SLC2A13: variants seen among roughly 807,000 people sequenced by gnomAD.
SLC2A13 encodes solute carrier family 2 member 13.
A neutral mutation model predicts 64.4 loss-of-function variants in SLC2A13; 32 were observed. That is an observed-to-expected ratio of 0.50 (90% CI 0.37 to 0.67). The LOEUF (loss-of-function observed/expected upper bound fraction) is 0.67, where lower values mean the gene tolerates loss of function less well. Ranked by LOEUF, SLC2A13 falls within the 30% of genes least tolerant of loss-of-function variation. The probability of loss-of-function intolerance (pLI) is 0.00; values close to 1 mark genes in which losing one functional copy is unlikely to be tolerated. For missense variants in SLC2A13, 743 were observed against 829.2 expected, an observed-to-expected ratio of 0.90 and a Z score of 1.28; for synonymous variants, 338 against 327.1, an observed-to-expected ratio of 1.03 and a Z score of -0.36.
At position 39,759,851 on chromosome 12, in the gene SLC2A13, GAAAA is replaced by G; in HGVS notation, c.*171_*174del. On this transcript the variant is annotated 3_prime_UTR_variant, in exon 10 of 10. Transcript: ENST00000280871. ...ATTTTTTAAAATATTGTTCCTTGTG[GAAAA>G]AAAAAGTCATCATGGTTGTATCTTC... The G allele has an allele frequency of 1.8e-6, 1 of 553,418 alleles. No homozygotes were observed. The highest frequency in any genetic ancestry group is 3.2e-6 in the Non-Finnish European group (1 of 314,544). 34.3% of individuals were successfully genotyped at this position (553,418 alleles called of 1,614,324 possible).
At chr12:39,841,843 G>C (rs4388962) in intron 6 of SLC2A13, among the ~76,000 whole-genome samples, 2 of 151,766 alleles carry the variant, frequency 1.3e-5, no homozygotes, top group Non-Finnish European at 2.9e-5. Context: ...GAAATTCTTA[G>C]GTTTGCAAAC....
chr12:40,006,767 T>C (rs1468905345), intron 3 of SLC2A13, among the ~76,000 whole-genome samples: 1 of 152,176 alleles, frequency 6.6e-6, no homozygotes, highest in Non-Finnish European at 1.5e-5. Context: ...CTCAAGTCTC[T>C]CTGGAGAAAA....
chr12:39,762,639 T>C (rs1022907396), intron 9 of SLC2A13, among the ~76,000 whole-genome samples: 4 of 152,108 alleles, frequency 2.6e-5, no homozygotes, highest in South Asian at 2.1e-4. Context: ...AAAGAAGACA[T>C]AACTATTTCC....
At chr12:39,763,601 T>C (rs1940243502) in intron 9 of SLC2A13, among the ~76,000 whole-genome samples, 1 of 151,998 alleles carries the variant, frequency 6.6e-6, no homozygotes, top group South Asian at 2.1e-4. Context: ...AAATGATAAG[T>C]GGCCAGAGCA....
At chr12:39,762,710 A>C (rs1490860137) in intron 9 of SLC2A13, among the ~76,000 whole-genome samples, 1 of 152,106 alleles carries the variant, frequency 6.6e-6, no homozygotes, top group Non-Finnish European at 1.5e-5. Context: ...CATAGCTTAC[A>C]TAAACCAGTA....
At chr12:39,817,264 C>T (rs1392357068) in intron 7 of SLC2A13, among the ~76,000 whole-genome samples, 1 of 152,178 alleles carries the variant, frequency 6.6e-6, no homozygotes, top group Non-Finnish European at 1.5e-5. Context: ...CCGGGTTGCT[C>T]ATTTTAGGGT....
intron 4 of SLC2A13, among the ~76,000 whole-genome samples, chr12:39,893,328 C>A (rs914590447): frequency 2.0e-5 from 3 of 152,176 alleles, no homozygotes; most frequent in African/African-American, 7.2e-5. Flanking sequence ...GAGATGGAGT[C>A]TCACTCTGTC....
At chr12:39,928,115 T>C (rs1945759370) in intron 4 of SLC2A13, among the ~76,000 whole-genome samples, 1 of 152,208 alleles carries the variant, frequency 6.6e-6, no homozygotes, top group Non-Finnish European at 1.5e-5. Context: ...AGCAACATTA[T>C]TTTGAAAAGG....
At chr12:40,040,133 T>C (rs1292281140) in intron 2 of SLC2A13, among the ~76,000 whole-genome samples, 4 of 152,216 alleles carry the variant, frequency 2.6e-5, no homozygotes, top group African/African-American at 9.6e-5. Flanking sequence ...TATAGAGACT[T>C]AACCTAAAAC....
intron 1 of SLC2A13, among the ~76,000 whole-genome samples, chr12:40,084,648 A>AT (rs960541887): frequency 1.4e-4 from 21 of 151,686 alleles, no homozygotes; most frequent in African/African-American, 2.7e-4. Flanking sequence ...TTACAGCTTC[A>AT]TTTTTTTTTA....
At chr12:39,857,370 G>T (rs1298565264) in intron 6 of SLC2A13, among the ~76,000 whole-genome samples, 1 of 152,126 alleles carries the variant, frequency 6.6e-6, no homozygotes, top group Non-Finnish European at 1.5e-5. Context: ...CCACAGTGAG[G>T]TTTCGGATCC....
At chr12:39,830,294 C>A in intron 6 of SLC2A13, 66 bp from the exon 7 acceptor site, 1 of 1,558,964 alleles carries the variant, frequency 6.4e-7, no homozygotes. Context: ...ATACTGGATT[C>A]CATGTGCTTC....
chr12:39,921,323 C>A (rs1045361898), intron 4 of SLC2A13, among the ~76,000 whole-genome samples: 2 of 152,022 alleles, frequency 1.3e-5, no homozygotes, highest in African/African-American at 4.8e-5. Flanking sequence ...CTTTCTAAAG[C>A]AGTCAGTTCC....
At chr12:39,836,232 C>G (rs1443988665) in intron 6 of SLC2A13, among the ~76,000 whole-genome samples, 1 of 152,040 alleles carries the variant, frequency 6.6e-6, no homozygotes, top group Non-Finnish European at 1.5e-5. Flanking sequence ...TAGACAATAG[C>G]CAATGATGCT....
intron 1 of SLC2A13, among the ~76,000 whole-genome samples, chr12:40,049,179 T>C: frequency 6.6e-6 from 1 of 151,986 alleles, no homozygotes; most frequent in East Asian, 1.9e-4. Context: ...AGATACTGAT[T>C]TGCTGTATCT....
chr12:40,015,973 A>C (rs1025544437), intron 3 of SLC2A13, among the ~76,000 whole-genome samples: 2 of 152,214 alleles, frequency 1.3e-5, no homozygotes, highest in Non-Finnish European at 2.9e-5. Flanking sequence ...ATATTCAAAA[A>C]AAGAATAATG....
At chr12:40,095,471 T>G (rs1938908559) in intron 1 of SLC2A13, among the ~76,000 whole-genome samples, 2 of 152,256 alleles carry the variant, frequency 1.3e-5, no homozygotes, top group African/African-American at 4.8e-5. Context: ...GTAGGTTCTA[T>G]TCTTTGGGCT....
At chr12:40,003,216 A>G (rs1324482127) in intron 3 of SLC2A13, among the ~76,000 whole-genome samples, 1 of 152,220 alleles carries the variant, frequency 6.6e-6, no homozygotes, top group Admixed American at 6.5e-5. Context: ...AAAAAGCAAT[A>G]CCTATTGAGA....
At chr12:39,804,543 T>TTATTC (rs1941905971) in intron 7 of SLC2A13, among the ~76,000 whole-genome samples, 3 of 152,194 alleles carry the variant, frequency 2.0e-5, no homozygotes, top group Non-Finnish European at 4.4e-5. Context: ...ATTTCTTAGC[T>TTATTC]TGTAGCTTAT....
Sources: allele counts gnomAD v4.1 joint callset (sites outside exome capture counted in the v4.1 genomes callset), GRCh38; gene constraint gnomAD v4.1.1; transcripts MANE v1.5; gene names NCBI Gene and HGNC (gene_info 2026-07-23, HGNC 2026-07-21).